UGT1A8: variants seen among roughly 807,000 people sequenced by gnomAD.
UGT1A8 encodes UDP glucuronosyltransferase family 1 member A8, also known as UDP-glucuronosyltransferase 1A8.
UGT1A8 carries 39 observed loss-of-function variants against 45.3 expected under a neutral mutation model. That is an observed-to-expected ratio of 0.86 (90% confidence interval 0.67 to 1.12). The LOEUF (loss-of-function observed/expected upper bound fraction) is 1.12. UGT1A8 is among the 50% of genes most tolerant of loss of function. UGT1A8 has a pLI of 0.00. For missense variants in UGT1A8, 719 were observed against 664.9 expected, an observed-to-expected ratio of 1.08 and a Z score of -0.90; for synonymous variants, 275 against 249.2, an observed-to-expected ratio of 1.10 and a Z score of -0.97.
intron 1 of UGT1A8, among the ~76,000 whole-genome samples, chr2:233,654,454 C>T (rs1275593950): frequency 2.6e-5 from 4 of 152,152 alleles, no homozygotes; most frequent in African/African-American, 9.7e-5. Context: ...TCCAGCAGAG[C>T]ATCATAAAAT....
intron 1 of UGT1A8, among the ~76,000 whole-genome samples, chr2:233,745,989 G>A (rs1477607074): frequency 1.3e-5 from 2 of 151,676 alleles, no homozygotes; most frequent in Admixed American, 1.3e-4. Context: ...ATGACAGCTG[G>A]GTCTGAGAGA....
At chr2:233,747,637 A>G in intron 1 of UGT1A8, 1 of 1,582,234 alleles carries the variant, frequency 6.3e-7, no homozygotes, top group Non-Finnish European at 8.7e-7. Flanking sequence ...AGGCACCTGA[A>G]TGCTACTTCC....
At chr2:233,672,167 C>A in intron 1 of UGT1A8, 1 of 1,614,204 alleles carries the variant, frequency 6.2e-7, no homozygotes, top group Non-Finnish European at 8.5e-7. Flanking sequence ...AAGACTTATT[C>A]AACTTCATAT....
intron 1 of UGT1A8, among the ~76,000 whole-genome samples, chr2:233,646,331 G>A (rs1338149983): frequency 1.3e-5 from 2 of 151,816 alleles, no homozygotes; most frequent in Non-Finnish European, 2.9e-5. Flanking sequence ...TTTTCCCCAT[G>A]GTTTTGGGGA....
intron 1 of UGT1A8, chr2:233,713,988 T>C (rs1034090068): frequency 1.1e-5 from 18 of 1,575,780 alleles, no homozygotes; most frequent in Non-Finnish European, 1.5e-5. Flanking sequence ...ATTGTTGTAA[T>C]AGTCTTCAGT....
At chr2:233,719,078 G>C in intron 1 of UGT1A8, 1 of 1,614,254 alleles carries the variant, frequency 6.2e-7, no homozygotes, top group Non-Finnish European at 8.5e-7. Flanking sequence ...CATGGACCCA[G>C]AAGGAATTTG....
intron 1 of UGT1A8, among the ~76,000 whole-genome samples, chr2:233,704,329 A>C (rs1314519852): frequency 7.9e-6 from 1 of 126,880 alleles, no homozygotes; most frequent in African/African-American, 3.3e-5. Flanking sequence ...TTTTCTTTCC[A>C]CTATTTAAAA....
chr2:233,756,979 A>C (rs1394621821), intron 1 of UGT1A8, among the ~76,000 whole-genome samples: 3 of 152,152 alleles, frequency 2.0e-5, no homozygotes. Flanking sequence ...CGCAATGAAC[A>C]GTCATAGTAA....
At chr2:233,719,203 G>A (rs145806554) in intron 1 of UGT1A8, 5 of 1,614,242 alleles carry the variant, frequency 3.1e-6, no homozygotes, top group Middle Eastern at 3.3e-4. Context: ...CATAGGTGTT[G>A]TGTGGAGCTA....
intron 1 of UGT1A8, chr2:233,747,636 A>C: frequency 3.8e-6 from 6 of 1,581,726 alleles, no homozygotes; most frequent in East Asian, 2.2e-5. Context: ...CAGGCACCTG[A>C]ATGCTACTTC....
At chr2:233,642,873 T>TCTCTCTCTCTCTCA (rs2073489435) in intron 1 of UGT1A8, among the ~76,000 whole-genome samples, 2 of 151,554 alleles carry the variant, frequency 1.3e-5, no homozygotes, top group African/African-American at 4.8e-5. Context: ...ATACAGAGTC[T>TCTCTCTCTCTCTCA]CTCTCTCTCT....
intron 1 of UGT1A8, among the ~76,000 whole-genome samples, chr2:233,723,452 C>G (rs2125693136): frequency 1.4e-5 from 2 of 138,456 alleles, no homozygotes; most frequent in African/African-American, 5.6e-5. Context: ...TCAGGTGATC[C>G]ACCCGCCTCA....
At chr2:233,620,821 T>C (rs1043569838) in intron 1 of UGT1A8, among the ~76,000 whole-genome samples, 1 of 152,200 alleles carries the variant, frequency 6.6e-6, no homozygotes, top group Non-Finnish European at 1.5e-5. Context: ...TGCGTATTGC[T>C]CCTTCCTTGT....
chr2:233,764,014 A>C (rs28900399), intron 1 of UGT1A8, among the ~76,000 whole-genome samples: 1 of 152,334 alleles, frequency 6.6e-6, no homozygotes, highest in Non-Finnish European at 1.5e-5. Flanking sequence ...GATGACCCAC[A>C]TGGTGTCTAA....
intron 1 of UGT1A8, among the ~76,000 whole-genome samples, chr2:233,748,668 G>C (rs1413455817): frequency 6.6e-6 from 1 of 151,746 alleles, no homozygotes; most frequent in East Asian, 1.9e-4. Context: ...TTCCAGAGAG[G>C]GATCTGTGCT....
intron 1 of UGT1A8, among the ~76,000 whole-genome samples, chr2:233,686,249 AT>A (rs142649436): frequency 0.08 from 11,961 of 149,536 alleles, 627 homozygotes; most frequent in Non-Finnish European, 0.12. Flanking sequence ...GGTTTCTGAG[AT>A]TTTTTTTTTT....
At chr2:233,641,176 A>G (rs972335711) in intron 1 of UGT1A8, among the ~76,000 whole-genome samples, 9 of 152,108 alleles carry the variant, frequency 5.9e-5, no homozygotes, top group African/African-American at 2.2e-4. Flanking sequence ...ATCTTGCAAC[A>G]TATTTTCCTA....
intron 1 of UGT1A8, among the ~76,000 whole-genome samples, chr2:233,715,022 G>A (rs1438116974): frequency 2.0e-5 from 3 of 152,060 alleles, no homozygotes; most frequent in Admixed American, 1.3e-4. Flanking sequence ...AACTACAGGC[G>A]CATGGCACCA....
intron 1 of UGT1A8, among the ~76,000 whole-genome samples, chr2:233,725,678 A>C (rs28899189): frequency 0.068 from 10,401 of 152,238 alleles, 505 homozygotes; most frequent in East Asian, 0.2. Flanking sequence ...GTCACATTTC[A>C]AGTGCTCAAT....
Sources: gnomAD v4.1 joint callset for allele counts (sites outside exome capture counted in the v4.1 genomes callset) on GRCh38, gnomAD v4.1.1 for gene constraint, MANE v1.5 for transcripts, NCBI Gene and HGNC (gene_info 2026-07-23, HGNC 2026-07-21) for gene names.